The following NOS1AP variants were observed in gnomAD, a reference collection of about 807,000 sequenced individuals.
The protein encoded by NOS1AP is nitric oxide synthase 1 adaptor protein.
In NOS1AP, 21 loss-of-function variants were observed where a neutral mutation model predicts 56.2. The ratio of observed to expected loss-of-function variants is 0.37; its 90% CI spans 0.26 to 0.54. The LOEUF (loss-of-function observed/expected upper bound fraction) is 0.54. NOS1AP is among the 20% of genes least tolerant of loss of function. The pLI, the probability that NOS1AP is intolerant of heterozygous loss-of-function variation, is 0.84. For synonymous variants in NOS1AP, 270 were observed against 274.6 expected (o/e 0.98, Z 0.17); for missense variants, 522 against 657.8 (o/e 0.79, Z 2.26).
intron 3 of NOS1AP, among the ~76,000 whole-genome samples, chr1:162,298,164 C>T (rs1270407266): frequency 2.0e-5 from 3 of 152,248 alleles, no homozygotes; most frequent in African/African-American, 7.2e-5. Flanking sequence ...CAGGCTTCCA[C>T]CCTTGCTGGG....
intron 1 of NOS1AP, among the ~76,000 whole-genome samples, chr1:162,123,296 T>C (rs1337113197): frequency 6.6e-6 from 1 of 152,220 alleles, no homozygotes; most frequent in African/African-American, 2.4e-5. Context: ...CTCAGCTGGC[T>C]GGGTAGCTGG....
chr1:162,134,104 ACAGT>A (rs1290790301), intron 1 of NOS1AP, among the ~76,000 whole-genome samples: 1 of 152,234 alleles, frequency 6.6e-6, no homozygotes, highest in African/African-American at 2.4e-5. Context: ...CACAGGTGAA[ACAGT>A]CAGTAAAAGC....
At chr1:162,237,245 A>G (rs1653325757) in intron 2 of NOS1AP, among the ~76,000 whole-genome samples, 1 of 152,240 alleles carries the variant, frequency 6.6e-6, no homozygotes, top group Non-Finnish European at 1.5e-5. Flanking sequence ...AAAGGGCCAA[A>G]GACTGTGCTG....
chr1:162,289,469 CTTTTT>C lies in NOS1AP; in HGVS notation c.270+2052_270+2056del, dbSNP rs60010458. Among the ~76,000 whole-genome samples, 3 of 85,448 alleles carry C rather than the reference CTTTTT, an allele frequency of 3.5e-5. No homozygotes were observed. In the East Asian group the frequency reaches 1.6e-3, roughly 45 times the overall value. The allele number at this position is 85,448 out of a possible 152,430, so 56.1% of individuals were successfully genotyped here. ...CCTGCCACCACGCCCAGCTACTTTT[CTTTTT>C]TTTTTTTTTTTTTTTTTTGAGACGG... On this transcript the variant is annotated intron_variant, in intron 3 of 9. Transcript: ENST00000361897.
intron 2 of NOS1AP, among the ~76,000 whole-genome samples, chr1:162,168,714 C>G (rs1650623943): frequency 3.3e-5 from 5 of 152,198 alleles, no homozygotes; most frequent in Admixed American, 3.3e-4. Flanking sequence ...TCCTTCCCTT[C>G]CTCTTTCCTT....
intron 2 of NOS1AP, among the ~76,000 whole-genome samples, chr1:162,213,687 G>A (rs570374983): frequency 5.3e-5 from 8 of 152,292 alleles, no homozygotes; most frequent in Non-Finnish European, 1.0e-4. Flanking sequence ...CTGGGCAGGT[G>A]CTGTGCCAAC....
chr1:162,203,580 A>T (rs1307219934), intron 2 of NOS1AP, among the ~76,000 whole-genome samples: 1 of 152,248 alleles, frequency 6.6e-6, no homozygotes. Flanking sequence ...ATTGATTTGC[A>T]GACTCCATCC....
chr1:162,093,080 T>A (rs1174412058), intron 1 of NOS1AP, among the ~76,000 whole-genome samples: 3 of 152,232 alleles, frequency 2.0e-5, no homozygotes, highest in Non-Finnish European at 4.4e-5. Context: ...GGCTAAATGT[T>A]GTAACATCCC....
At chr1:162,337,909 G>A (rs994299906) in intron 5 of NOS1AP, among the ~76,000 whole-genome samples, 10 of 152,200 alleles carry the variant, frequency 6.6e-5, no homozygotes, top group Admixed American at 5.2e-4. Flanking sequence ...CCTTAGTACT[G>A]TAGATCCTAC....
intron 2 of NOS1AP, among the ~76,000 whole-genome samples, chr1:162,219,736 G>A (rs1652707542): frequency 6.6e-6 from 1 of 152,164 alleles, no homozygotes; most frequent in Non-Finnish European, 1.5e-5. Context: ...GAGTAATTAT[G>A]CTTTAGGTTT....
rs551612697 is a variant in NOS1AP at position 162,171,753 on chromosome 1, C to A, written c.177+17277C>A. The stretch of plus-strand genomic sequence containing the variant: ...TAACTTCCCAGTTTGGGCCTCCACT[C>A]TTCTCTGGAGAGTTCTTTTCATCTA... On this transcript the variant is annotated intron_variant, in intron 2 of 9. Transcript: ENST00000361897. Among the ~76,000 whole-genome samples, 96 of 152,234 alleles carry A rather than the reference C, an allele frequency of 6.3e-4. 1 individual carries two copies. The highest frequency in any genetic ancestry group is 3.5e-3 in the South Asian group (17 of 4,822).
At chr1:162,352,306 A>C (rs1657536106) in intron 6 of NOS1AP, among the ~76,000 whole-genome samples, 1 of 149,882 alleles carries the variant, frequency 6.7e-6, no homozygotes. Flanking sequence ...TGACCCACCC[A>C]CCCCGGCCTC....
intron 1 of NOS1AP, among the ~76,000 whole-genome samples, chr1:162,105,476 T>G (rs1247724895): frequency 2.0e-5 from 3 of 152,158 alleles, no homozygotes; most frequent in Non-Finnish European, 4.4e-5. Context: ...TTCAGATCAT[T>G]TGTATACTAC....
intron 2 of NOS1AP, among the ~76,000 whole-genome samples, chr1:162,252,111 C>A (rs1404995163): frequency 6.6e-6 from 1 of 152,018 alleles, no homozygotes; most frequent in Non-Finnish European, 1.5e-5. Context: ...GCAATCTTGG[C>A]TTACTGCAGC....
chr1:162,255,654 T>C (rs1005780142), intron 2 of NOS1AP, among the ~76,000 whole-genome samples: 2 of 152,002 alleles, frequency 1.3e-5, no homozygotes, highest in African/African-American at 4.8e-5. Flanking sequence ...CTGTAATCGA[T>C]GGCCATGGAA....
At chr1:162,288,151 TG>T (rs1392199283) in intron 3 of NOS1AP, among the ~76,000 whole-genome samples, 45 of 152,270 alleles carry the variant, frequency 3.0e-4, no homozygotes, top group African/African-American at 8.4e-4. Context: ...GGTGGGAGGA[TG>T]GGAGGATGTG....
intron 2 of NOS1AP, among the ~76,000 whole-genome samples, chr1:162,157,972 T>G (rs75006412): frequency 1.3e-5 from 2 of 152,204 alleles, no homozygotes; most frequent in African/African-American, 2.4e-5. Context: ...CGTATTTTGC[T>G]TTTTTTCCTT....
chr1:162,221,044 T>G (rs865859273), intron 2 of NOS1AP, among the ~76,000 whole-genome samples: 13 of 152,292 alleles, frequency 8.5e-5, no homozygotes, highest in Non-Finnish European at 1.2e-4. Context: ...CGGGTTCAAG[T>G]GATTCTCCTG....
rs1658110549 is a variant in NOS1AP, at chr1:162,367,087, C to T, written c.1141C>T (p.Arg381Cys). The T allele has an allele frequency of 6.2e-7, 1 of 1,613,944 alleles. No individual in the cohort carries two copies. Among genetic ancestry groups the T allele is most frequent in the Non-Finnish European group, 8.5e-7 (1 of 1,180,008 alleles). The part of the protein sequence containing the change: ...SQDSLLEITF[R>C]SGALPVLCDP... ...GGACAGCTTGCTGGAGATCACCTTC[C>T]GCTCCGGAGCCCTGCCCGTGCTCTG... Residue 381 changes from arginine (R) to cysteine (C), a missense_variant, in exon 10 of 10, where the codon CGC becomes TGC. Physicochemically the swap from Arg to Cys is radical, Grantham distance 180. Around this residue, in one of 4 missense-constraint regions of NOS1AP, gnomAD observed 160 missense variants for 180.3 expected, o/e 0.89. Transcript: ENST00000361897. The surrounding 1 kb of genome is among the most constrained non-coding windows in gnomAD (Gnocchi z 6.5).
Sources: gnomAD v4.1 joint callset for allele counts (sites outside exome capture counted in the v4.1 genomes callset) on GRCh38, gnomAD v4.1.1 for gene constraint, gnomAD v4.1.1 regional missense constraint, Gnocchi (gnomAD v3.1) non-coding constraint, MANE v1.5 for transcripts, NCBI Gene and HGNC (gene_info 2026-07-23, HGNC 2026-07-21) for gene names.